The following WWTR1 variants were observed in gnomAD, a reference collection of about 807,000 sequenced individuals.
WWTR1 encodes WW domain-containing transcription regulator protein 1.
In WWTR1, 13 loss-of-function variants were observed where a neutral mutation model predicts 40.1. The observed-to-expected ratio is 0.32, with a 90% CI of 0.21 to 0.52. WWTR1 has a LOEUF of 0.52. Ranked by LOEUF, WWTR1 falls within the 20% of genes least tolerant of loss-of-function variation. The pLI, the probability that WWTR1 is intolerant of heterozygous loss-of-function variation, is 0.97. For missense variants in WWTR1, 436 were observed against 523.1 expected (o/e 0.83, Z 1.63); for synonymous variants, 230 against 210.1 (o/e 1.09, Z -0.82).
At chr3:149,539,083 A>AGTCATTCTT (rs1735963859) in intron 4 of WWTR1, among the ~76,000 whole-genome samples, 1 of 152,200 alleles carries the variant, frequency 6.6e-6, no homozygotes, top group Non-Finnish European at 1.5e-5. Context: ...TTCAATGCCA[A>AGTCATTCTT]TGAGTTAATA....
rs1428443575 is a variant in WWTR1 at position 149,520,854 on chromosome 3, T to C, written c.1154A>G (p.Asp385Gly). The change falls in exon 7 of 7, where the codon GAT becomes GGT. Residue 385 changes from aspartate to glycine, a missense_variant. Physicochemically the swap from Asp to Gly is moderately conservative, Grantham distance 94. Coordinates refer to ENST00000360632, the MANE Select transcript of WWTR1 (RefSeq NM_015472.6). ...ACTTTTGTTCAGAGCAGACTCTACA[T>C]CATTGAAGAGGGGGATCAGGTCTTC... ...ESEDLIPLFN[D>G]VESALNKSEP... is the part of the protein sequence containing the mutation. 1.2e-6 allele frequency: 2 copies of C among 1,613,210 alleles called. No homozygotes were observed. The highest frequency in any genetic ancestry group is 1.7e-6 in the Non-Finnish European group (2 of 1,179,762).
At chr3:149,685,401 A>T (rs1714612690) in intron 1 of WWTR1, among the ~76,000 whole-genome samples, 1 of 152,224 alleles carries the variant, frequency 6.6e-6, no homozygotes, top group Non-Finnish European at 1.5e-5. Context: ...ACCATATGCC[A>T]TCACCCAGAA....
At chr3:149,723,372 G>C (rs1026956830) in intron 4 of WWTR1, among the ~76,000 whole-genome samples, 2 of 151,854 alleles carry the variant, frequency 1.3e-5, no homozygotes, top group African/African-American at 4.8e-5. Context: ...ATTTTTAGTA[G>C]AGACGGGGTT....
At chr3:149,679,745 G>GGGATGATGATAAAAACCTCTCAGGT (rs1714393001) in intron 1 of WWTR1, among the ~76,000 whole-genome samples, 3 of 152,096 alleles carry the variant, frequency 2.0e-5, no homozygotes, top group African/African-American at 7.3e-5. Flanking sequence ...TGAGCTCCTA[G>GGGATGATGATAAAAACCTCTCAGGT]GGATGATGAT....
chr3:149,724,446 A>C (rs1715825883), intron 3 of WWTR1, among the ~76,000 whole-genome samples: 1 of 151,806 alleles, frequency 6.6e-6, no homozygotes, highest in Admixed American at 6.6e-5. Context: ...TCTCTTTTTA[A>C]TATTCCTAAC....
At chr3:149,655,509 C>T (rs1490205055) in intron 2 of WWTR1, among the ~76,000 whole-genome samples, 4 of 152,188 alleles carry the variant, frequency 2.6e-5, no homozygotes, top group Non-Finnish European at 5.9e-5. Flanking sequence ...ATTCTTGACT[C>T]CACCAGCTAC....
At chr3:149,547,814 T>A (rs2107948354) in intron 3 of WWTR1, among the ~76,000 whole-genome samples, 1 of 150,662 alleles carries the variant, frequency 6.6e-6, no homozygotes, top group Non-Finnish European at 1.5e-5. Context: ...TTTCATCTCC[T>A]TTTCCCTTTT....
chr3:149,580,992 G>A (rs994776930), intron 2 of WWTR1, among the ~76,000 whole-genome samples: 6 of 152,082 alleles, frequency 3.9e-5, no homozygotes, highest in East Asian at 1.9e-4. Flanking sequence ...ATGTGGAGTC[G>A]GCTTTTGAAC....
At chr3:149,676,922 CT>C (rs370634233) in intron 1 of WWTR1, among the ~76,000 whole-genome samples, 8,814 of 141,088 alleles carry the variant, frequency 0.062, 413 homozygotes, top group East Asian at 0.19. Flanking sequence ...CCTTGAGACT[CT>C]TTTTTTTTTT....
intron 1 of WWTR1, among the ~76,000 whole-genome samples, chr3:149,694,726 T>A (rs568693726): frequency 6.6e-6 from 1 of 152,272 alleles, no homozygotes; most frequent in South Asian, 2.1e-4. Flanking sequence ...AGAATGTAAA[T>A]TAATACAGCA....
intron 2 of WWTR1, among the ~76,000 whole-genome samples, chr3:149,602,015 T>C (rs1377389451): frequency 6.6e-6 from 1 of 152,228 alleles, no homozygotes; most frequent in African/African-American, 2.4e-5. Flanking sequence ...TATCAGATTT[T>C]AAACTCCTTT....
chr3:149,527,663 A>G (rs954174154), intron 5 of WWTR1, among the ~76,000 whole-genome samples, 173 bp downstream of exon 5: 1 of 152,210 alleles, frequency 6.6e-6, no homozygotes, highest in Non-Finnish European at 1.5e-5. Flanking sequence ...TTTAACAGGC[A>G]GATGATTTCC....
At chr3:149,641,450 T>G (rs571518422) in intron 2 of WWTR1, among the ~76,000 whole-genome samples, 1 of 152,338 alleles carries the variant, frequency 6.6e-6, no homozygotes, top group East Asian at 1.9e-4. Context: ...TTCACACACA[T>G]GAGGTAAGCT....
At chr3:149,545,685 C>T (rs1172966924) in intron 3 of WWTR1, among the ~76,000 whole-genome samples, 2 of 152,148 alleles carry the variant, frequency 1.3e-5, no homozygotes, top group Non-Finnish European at 2.9e-5. Flanking sequence ...CCCTGCCCCG[C>T]TAATTTTTGT....
At chr3:149,549,310 T>C in intron 3 of WWTR1, among the ~76,000 whole-genome samples, 1 of 152,212 alleles carries the variant, frequency 6.6e-6, no homozygotes, top group East Asian at 1.9e-4. Flanking sequence ...CAAGTCATGA[T>C]AATGGTGTGC....
At chr3:149,698,701 T>G (rs1359865226) in intron 1 of WWTR1, among the ~76,000 whole-genome samples, 3 of 152,230 alleles carry the variant, frequency 2.0e-5, no homozygotes, top group Non-Finnish European at 4.4e-5. Context: ...GAGGAAACCA[T>G]CAAGCCTTCT....
At chr3:149,642,693 G>A (rs147558325) in intron 2 of WWTR1, among the ~76,000 whole-genome samples, 2,313 of 151,422 alleles carry the variant, frequency 0.015, 38 homozygotes, top group East Asian at 0.087. Context: ...GAGAATGGCC[G>A]GAACCCGGGA....
chr3:149,684,102 T>A (rs1010098079), intron 1 of WWTR1, among the ~76,000 whole-genome samples: 2 of 152,164 alleles, frequency 1.3e-5, no homozygotes, highest in Admixed American at 6.5e-5. Context: ...TTGAAAAATA[T>A]GGGGGGTGTA....
At chr3:149,590,550 G>A (rs895477409) in intron 2 of WWTR1, among the ~76,000 whole-genome samples, 2 of 152,152 alleles carry the variant, frequency 1.3e-5, no homozygotes, top group African/African-American at 2.4e-5. Context: ...AGAGGCTGAG[G>A]CAGGAGAATC....
Sources: allele counts gnomAD v4.1 joint callset (sites outside exome capture counted in the v4.1 genomes callset), GRCh38; gene constraint gnomAD v4.1.1; transcripts MANE v1.5; gene names NCBI Gene and HGNC (gene_info 2026-07-23, HGNC 2026-07-21).